PTCD1: variants seen among roughly 807,000 people sequenced by gnomAD.
The protein encoded by PTCD1 is pentatricopeptide repeat-containing protein 1, mitochondrial.
PTCD1 carries 50 observed loss-of-function variants against 53.4 expected under a neutral mutation model. That is an observed-to-expected ratio of 0.94 (90% CI 0.75 to 1.19). The LOEUF (loss-of-function observed/expected upper bound fraction) is 1.19, where lower values mean the gene tolerates loss of function less well. PTCD1 is among the 50% of genes most tolerant of loss of function. The pLI, the probability that PTCD1 is intolerant of heterozygous loss-of-function variation, is 0.00. For missense variants in PTCD1, 918 were observed against 904.8 expected, an observed-to-expected ratio of 1.01 and a Z score of -0.19; for synonymous variants, 413 against 394.8, an observed-to-expected ratio of 1.05 and a Z score of -0.55.
Position 99,434,961 on chromosome 7 carries a change from G to T in PTCD1, c.282C>A (p.Asp94Glu), listed in dbSNP as rs1419321660. Residue 94 changes from aspartate (D) to glutamate (E), a missense_variant, in exon 2 of 8, where the codon GAC (aspartate) becomes GAA (glutamate). Coordinates refer to ENST00000292478, the MANE Select transcript of PTCD1 (RefSeq NM_015545.4). ...GGAATAGTCTCCGGGAGGAGTATTT[G>T]TCAGAGAGGGTCCCAAAACTCTCCT... ...EEEESFGTLS[D>E]KYSSRRLFRK... 5.0e-6 allele frequency: 8 copies of T among 1,614,132 alleles called. No individual in the cohort carries two copies. The Admixed American group carries it at 8.3e-5, about 17-fold the overall frequency.
intron 2 of PTCD1, among the ~76,000 whole-genome samples, chr7:99,433,908 CAG>C (rs2150960174): frequency 6.6e-6 from 1 of 151,740 alleles, no homozygotes; most frequent in Admixed American, 6.6e-5. Flanking sequence ...AAAAATTAGC[CAG>C]GCATGGTGGC....
intron 2 of PTCD1, among the ~76,000 whole-genome samples, chr7:99,433,854 C>T (rs970456964): frequency 3.3e-5 from 5 of 151,962 alleles, no homozygotes; most frequent in Non-Finnish European, 5.9e-5. Flanking sequence ...GAATTCGAGA[C>T]CAGCCTGGCC....
intron 7 of PTCD1, 100 bp downstream of exon 7, chr7:99,423,675 T>C (rs1033890682): frequency 1.3e-6 from 2 of 1,586,838 alleles, no homozygotes; most frequent in Non-Finnish European, 1.7e-6. Flanking sequence ...GTTTCAAGCA[T>C]GGCAACACAA....
intron 4 of PTCD1, 79 bp downstream of exon 4, chr7:99,429,509 G>A (rs1796178877): frequency 7.5e-6 from 12 of 1,600,440 alleles, no homozygotes; most frequent in Non-Finnish European, 9.4e-6. Flanking sequence ...TACATGAGGA[G>A]AGACAGACAC....
intron 6 of PTCD1, 109 bp downstream of exon 6, chr7:99,424,686 A>T (rs1795949279): frequency 7.0e-7 from 1 of 1,418,950 alleles, no homozygotes; most frequent in Non-Finnish European, 9.6e-7. Flanking sequence ...CCCCATGCAC[A>T]GTTCATCCTC....
Position 99,420,140 on chromosome 7 carries a change from T to C in PTCD1, c.1930A>G (p.Lys644Glu). 1 of 1,614,194 alleles carries C rather than the reference T, an allele frequency of 6.2e-7. No individual in the cohort carries two copies. Among genetic ancestry groups the C allele is most frequent in the East Asian group, 2.2e-5 (1 of 44,886 alleles). ...YPPTFDRYQG[K>E]NTYLEKIDGF... Reference sequence around the variant, plus strand: ...TCAATCTTCTCCAGGTAGGTGTTCTTCCCTTGGTACTAGAATTAGAAAAGT... The same window carrying C: ...TCAATCTTCTCCAGGTAGGTGTTCTCCCCTTGGTACTAGAATTAGAAAAGT... The change falls in exon 8 of 8, where the codon AAG (lysine) becomes GAG (glutamate). Residue 644 changes from lysine to glutamate, a missense_variant. Transcript: ENST00000292478.
intron 5 of PTCD1, among the ~76,000 whole-genome samples, chr7:99,427,968 A>G (rs11972285): frequency 0.36 from 53,412 of 148,450 alleles, 15,613 homozygotes; most frequent in African/African-American, 0.82. Flanking sequence ...CAAACACTGC[A>G]GAAGGCCGCA....
At position 99,417,494 on chromosome 7, in the gene PTCD1, C is replaced by G; in HGVS notation, c.*2473G>C. ...AAACCTGATTGCAAAATGGAAAAAG[C>G]AAGGATATGAGAACTTGTGCTGCCT... is the stretch of plus-strand genomic sequence containing the variant. On this transcript the variant is annotated 3_prime_UTR_variant, in exon 8 of 8. Coordinates refer to ENST00000292478, the MANE Select transcript of PTCD1 (RefSeq NM_015545.4). 6 of 1,611,342 alleles carry G rather than the reference C, an allele frequency of 3.7e-6. No homozygotes were observed. The highest frequency in any genetic ancestry group is 5.1e-6 in the Non-Finnish European group (6 of 1,178,442).
chr7:99,435,220 C>G lies in PTCD1; in HGVS notation c.23G>C (p.Arg8Pro). MDFVRLA[R>P]LFARARPMGL... ...CATGGGGCGGGCCCTGGCGAACAGT[C>G]GAGCGAGTCTCACGAAGTCCATTTC... Residue 8 changes from arginine to proline, a missense_variant, in exon 2 of 8, where the codon CGA (arginine) becomes CCA (proline). Physicochemically the swap from Arg to Pro is moderately radical, Grantham distance 103 (BLOSUM62 -2). Coordinates refer to ENST00000292478, the MANE Select transcript of PTCD1 (RefSeq NM_015545.4). 1.9e-6 allele frequency: 3 copies of G among 1,603,228 alleles called. No homozygotes were observed. The highest frequency in any genetic ancestry group is 3.3e-4 in the Middle Eastern group (2 of 6,062).
intron 7 of PTCD1, among the ~76,000 whole-genome samples, 189 bp from the exon 8 acceptor site, chr7:99,420,338 G>A (rs1795746284): frequency 2.0e-5 from 3 of 152,126 alleles, no homozygotes; most frequent in East Asian, 1.9e-4. Context: ...ACAGGTCCCC[G>A]CTGGGTACCC....
intron 3 of PTCD1, among the ~76,000 whole-genome samples, chr7:99,431,965 G>A (rs547477716): frequency 1.7e-4 from 26 of 152,316 alleles, no homozygotes; most frequent in African/African-American, 6.0e-4. Context: ...GGTGTGCTTT[G>A]TTAAAAAAGT....
chr7:99,427,345 G>T, intron 5 of PTCD1, among the ~76,000 whole-genome samples: 1 of 150,756 alleles, frequency 6.6e-6, no homozygotes, highest in African/African-American at 2.4e-5. Flanking sequence ...CCCCGTCCGG[G>T]AGGGAGGTGG....
At chr7:99,437,028 C>T (rs1796496344) in intron 1 of PTCD1, among the ~76,000 whole-genome samples, 2 of 152,210 alleles carry the variant, frequency 1.3e-5, no homozygotes, top group South Asian at 4.1e-4. Context: ...CCATACCTGT[C>T]TAATTTTTTG....
intron 6 of PTCD1, 120 bp from the exon 7 acceptor site, chr7:99,424,077 T>G: frequency 7.2e-7 from 1 of 1,387,006 alleles, no homozygotes; most frequent in Non-Finnish European, 1.0e-6. Context: ...AAGGCAAACT[T>G]GGCAGCAACA....
intron 3 of PTCD1, among the ~76,000 whole-genome samples, chr7:99,432,365 G>T (rs1457313513): frequency 6.6e-6 from 1 of 152,234 alleles, no homozygotes; most frequent in Non-Finnish European, 1.5e-5. Context: ...GGTGGGACCT[G>T]CTGGAGACAA....
At chr7:99,435,659 G>A in intron 1 of PTCD1, among the ~76,000 whole-genome samples, 1 of 123,082 alleles carries the variant, frequency 8.1e-6, no homozygotes, top group East Asian at 2.5e-4. Context: ...AGAAAAGAAA[G>A]AAAGAAAAAG....
intron 1 of PTCD1, chr7:99,438,423 C>A: frequency 1.3e-6 from 1 of 752,156 alleles, no homozygotes; most frequent in Non-Finnish European, 1.7e-6. Flanking sequence ...TATGATCGTA[C>A]CCCTGTACTC....
At chr7:99,426,425 C>T (rs1032117404) in intron 5 of PTCD1, among the ~76,000 whole-genome samples, 8 of 152,216 alleles carry the variant, frequency 5.3e-5, no homozygotes, top group Non-Finnish European at 8.8e-5. Flanking sequence ...CTCCTAACCG[C>T]GAGTGATCCA....
At chr7:99,428,864 G>A (rs547522857) in intron 5 of PTCD1, among the ~76,000 whole-genome samples, 55 of 152,024 alleles carry the variant, frequency 3.6e-4, no homozygotes, top group Non-Finnish European at 6.3e-4. Flanking sequence ...TGAGTTTAGA[G>A]GGGCTAAGCC....
Sources: gnomAD v4.1 joint callset for allele counts (sites outside exome capture counted in the v4.1 genomes callset) on GRCh38, gnomAD v4.1.1 for gene constraint, MANE v1.5 for transcripts, NCBI Gene and HGNC (gene_info 2026-07-23, HGNC 2026-07-21) for gene names.